The following CELF2 variants were observed in gnomAD, a reference collection of about 807,000 sequenced individuals.
The protein encoded by CELF2 is CUG triplet repeat RNA-binding protein 2.
In CELF2, 8 loss-of-function variants were observed where a neutral mutation model predicts 62.6. The observed-to-expected ratio is 0.13, with a 90% CI of 0.07 to 0.23. CELF2 has a LOEUF of 0.23. Ranked by LOEUF, CELF2 falls within the 10% of genes least tolerant of loss-of-function variation. CELF2 has a pLI of 1.00. For missense variants in CELF2, 333 were observed against 671.0 expected, an observed-to-expected ratio of 0.50 and a Z score of 5.56; for synonymous variants, 258 against 250.0, an observed-to-expected ratio of 1.03 and a Z score of -0.30.
At chr10:10,692,112 G>C in the CELF2 span, among the ~76,000 whole-genome samples, 15 of 149,776 alleles carry the variant, frequency 1.0e-4, no homozygotes, top group African/African-American at 3.4e-4. Flanking sequence ...GTAATGCCTA[G>C]GTTTTCTTCT....
At chr10:10,772,815 T>C in the CELF2 span, among the ~76,000 whole-genome samples, 1 of 151,644 alleles carries the variant, frequency 6.6e-6, no homozygotes, top group African/African-American at 2.4e-5. Flanking sequence ...AGGCAACATA[T>C]GTGAAAATGT....
chr10:10,608,848 T>C, the CELF2 span, among the ~76,000 whole-genome samples: 1 of 152,184 alleles, frequency 6.6e-6, no homozygotes, highest in Non-Finnish European at 1.5e-5. Flanking sequence ...ATATCTTAAC[T>C]AGAACTACCT....
chr10:10,937,856 G>A (rs970661420), intron 2 of CELF2, among the ~76,000 whole-genome samples: 6 of 152,164 alleles, frequency 3.9e-5, no homozygotes, highest in Non-Finnish European at 8.8e-5. Context: ...TATATGGAGG[G>A]AGGGAAAGAG....
chr10:10,902,582 TTAC>T (rs1564793551), intron 1 of CELF2, among the ~76,000 whole-genome samples: 1 of 152,132 alleles, frequency 6.6e-6, no homozygotes, highest in Non-Finnish European at 1.5e-5. Flanking sequence ...AAATCAGTGG[TTAC>T]TTGGGGACAG....
Position 10,878,888 on chromosome 10 carries a change from A to C in CELF2, c.54-41076A>C, listed in dbSNP as rs534782061. On this transcript the variant is annotated intron_variant, in intron 1 of 13. Transcript: ENST00000636488. ...TCAGGGCCAGGGGAAATGAAGGGCT[A>C]TGACTGCTTTGTGGTTGATTCCCTC... Among the ~76,000 whole-genome samples the C allele has an allele frequency of 8.6e-4, 131 of 152,284 alleles. 3 individuals carry two copies. The South Asian group carries it at 0.026, about 30-fold the overall frequency.
At chr10:10,973,846 G>A (rs1224836347) in intron 2 of CELF2, among the ~76,000 whole-genome samples, 3 of 152,130 alleles carry the variant, frequency 2.0e-5, no homozygotes, top group African/African-American at 7.2e-5. Flanking sequence ...GGGATTACAG[G>A]CATTAGCCAC....
intron 1 of CELF2, among the ~76,000 whole-genome samples, chr10:11,051,731 G>A (rs760810704): frequency 3.3e-4 from 50 of 152,138 alleles, no homozygotes; most frequent in Non-Finnish European, 4.7e-4. Flanking sequence ...GATTTGACTG[G>A]TGGTAAAGCT....
At position 11,324,375 on chromosome 10, in the gene CELF2, C is replaced by T. The variant is rs530801490; in HGVS notation, c.1295-1461C>T. Reference sequence around the variant, plus strand: ...TGTGCACACACAGCAGTGCTCAGAACATCCCTTTCCAGTGTTTCAGGTTTT... The same window carrying T: ...TGTGCACACACAGCAGTGCTCAGAATATCCCTTTCCAGTGTTTCAGGTTTT... On this transcript the variant is annotated intron_variant, in intron 11 of 12. Transcript: ENST00000633077. This position sits in a 1 kb window ranked among gnomAD's most constrained non-coding sequence, Gnocchi z 4.7. Among the ~76,000 whole-genome samples the T allele has an allele frequency of 2.1e-4, 32 of 152,342 alleles. No homozygotes were observed. The South Asian group carries it at 6.6e-3, about 32-fold the overall frequency.
At chr10:10,783,211 T>A in the CELF2 span, among the ~76,000 whole-genome samples, 3 of 152,238 alleles carry the variant, frequency 2.0e-5, no homozygotes, top group Non-Finnish European at 4.4e-5. Flanking sequence ...TATCTGTGAC[T>A]GTGACCTTAC....
rs143053540 is a variant in CELF2 at position 11,019,900 on chromosome 10, C to G, written c.74+1737C>G. On this transcript the variant is annotated intron_variant, in intron 1 of 12. Transcript: ENST00000633077. ...TCCTCTAGAGGCTAGAGGGTCCAGG[C>G]TAAACTGAAGAATTCGCCTAATCAT... Among the ~76,000 whole-genome samples the G allele has an allele frequency of 2.3e-3, 349 of 152,242 alleles. 3 individuals are homozygous for G. In the South Asian group the frequency reaches 0.028, roughly 12 times the overall value.
chr10:10,908,998 A>C (rs1461060168), intron 1 of CELF2, among the ~76,000 whole-genome samples: 2 of 152,132 alleles, frequency 1.3e-5, no homozygotes, highest in African/African-American at 2.4e-5. Context: ...CATGTTGGTC[A>C]GGCTGGTCTC....
At chr10:10,557,110 T>G in the CELF2 span, among the ~76,000 whole-genome samples, 1,608 of 143,396 alleles carry the variant, frequency 0.011, 4 homozygotes, top group Admixed American at 0.016. Context: ...TCCTTGCCCA[T>G]GCCTATGTCC....
intron 1 of CELF2, among the ~76,000 whole-genome samples, chr10:11,103,487 A>T (rs1392892220): frequency 1.4e-4 from 17 of 119,736 alleles, no homozygotes; most frequent in African/African-American, 2.4e-4. Flanking sequence ...TTGTAGCCTG[A>T]TTTTTTTTTT....
intron 2 of CELF2, among the ~76,000 whole-genome samples, chr10:10,941,410 C>T (rs1375827765): frequency 6.6e-6 from 1 of 152,200 alleles, no homozygotes; most frequent in Non-Finnish European, 1.5e-5. Flanking sequence ...GGACTCCCAG[C>T]TCCTCTTGAC....
intron 1 of CELF2, among the ~76,000 whole-genome samples, chr10:10,822,249 G>C (rs2057029575): frequency 6.6e-6 from 1 of 152,230 alleles, no homozygotes; most frequent in Non-Finnish European, 1.5e-5. Context: ...ATGCCGCCCT[G>C]TGACTTTAGC....
chr10:10,775,787 C>A, the CELF2 span, among the ~76,000 whole-genome samples: 2 of 152,256 alleles, frequency 1.3e-5, no homozygotes, highest in African/African-American at 2.4e-5. Context: ...CTTTAATAAC[C>A]TTGTAAAGAG....
rs549337767 is a variant in CELF2, at chr10:11,247,376, G to T, written c.355-1777G>T. 6.6e-6 allele frequency among the ~76,000 whole-genome samples: 1 copy of T among 152,184 alleles called. No individual in the cohort carries two copies. Among genetic ancestry groups the T allele is most frequent in the African/African-American group, 2.4e-5 (1 of 41,444 alleles). On this transcript the variant is annotated intron_variant, in intron 3 of 12. Transcript: ENST00000633077. This position sits in a 1 kb window ranked among gnomAD's most constrained non-coding sequence, Gnocchi z 5.4. The stretch of plus-strand genomic sequence containing the variant: ...TCCTGGGTCACTGCGGGGCTGCCCC[G>T]TGAGTTTCACATGCCGGCCCCCCTT...
At position 11,246,999 on chromosome 10, in the gene CELF2, C is replaced by T. The variant is rs2075794029; in HGVS notation, c.355-2154C>T. 6.6e-6 allele frequency among the ~76,000 whole-genome samples: 1 copy of T among 152,166 alleles called. No individual in the cohort carries two copies. The highest frequency in any genetic ancestry group is 1.5e-5 in the Non-Finnish European group (1 of 68,032). ...TCCCACAGTCACCTGGTTGTACAGA[C>T]CTGGAGTTCCCCTTCTCCACCATCC... On this transcript the variant is annotated intron_variant, in intron 3 of 12. Coordinates refer to ENST00000633077, the MANE Select transcript of CELF2 (RefSeq NM_001326342.2). This position sits in a 1 kb window ranked among gnomAD's most constrained non-coding sequence, Gnocchi z 4.6.
chr10:10,523,353 A>G, the CELF2 span, among the ~76,000 whole-genome samples: 1 of 152,232 alleles, frequency 6.6e-6, no homozygotes, highest in Non-Finnish European at 1.5e-5. Context: ...AAATGTATTT[A>G]AATGATTTTT....
Sources: gnomAD v4.1 joint callset for allele counts (sites outside exome capture counted in the v4.1 genomes callset) on GRCh38, gnomAD v4.1.1 for gene constraint, Gnocchi (gnomAD v3.1) non-coding constraint, MANE v1.5 for transcripts, NCBI Gene and HGNC (gene_info 2026-07-23, HGNC 2026-07-21) for gene names.